Variants in SYT1 observed in about 807,000 individuals in gnomAD.
SYT1 encodes the protein synaptotagmin-1.
SYT1 carries 8 observed loss-of-function variants against 44.8 expected under a neutral mutation model. The ratio of observed to expected loss-of-function variants is 0.18; its 90% CI spans 0.10 to 0.32. SYT1 has a LOEUF of 0.32. Among genes scored for constraint, SYT1 ranks in the 10% least tolerant of loss-of-function variants. SYT1 has a pLI of 1.00. For synonymous variants in SYT1, 154 were observed against 188.8 expected, an observed-to-expected ratio of 0.82 and a Z score of 1.51; for missense variants, 286 against 509.3, an observed-to-expected ratio of 0.56 and a Z score of 4.22.
At chr12:79,187,318 G>C (rs1163352713) in intron 3 of SYT1, among the ~76,000 whole-genome samples, 1 of 152,118 alleles carries the variant, frequency 6.6e-6, no homozygotes, top group Non-Finnish European at 1.5e-5. Context: ...TTAAGCGGCA[G>C]CTGCTCAGAG....
intron 1 of SYT1, among the ~76,000 whole-genome samples, chr12:78,944,575 C>G (rs2137266263): frequency 6.6e-6 from 1 of 151,830 alleles, no homozygotes; most frequent in East Asian, 1.9e-4. Flanking sequence ...ATTCAAAAGA[C>G]AGGTTACTTT....
At chr12:78,940,859 G>A (rs1878309412) in intron 1 of SYT1, among the ~76,000 whole-genome samples, 2 of 152,070 alleles carry the variant, frequency 1.3e-5, no homozygotes, top group African/African-American at 4.8e-5. Context: ...AAGGTGTCGA[G>A]TTAGATTAGT....
chr12:79,100,438 A>T (rs1242958764), intron 3 of SYT1, among the ~76,000 whole-genome samples: 1 of 152,244 alleles, frequency 6.6e-6, no homozygotes. Flanking sequence ...TATTAGTTGA[A>T]CAAGAGGAAC....
intron 1 of SYT1, among the ~76,000 whole-genome samples, chr12:78,968,058 A>G (rs537485508): frequency 6.8e-4 from 104 of 152,290 alleles, no homozygotes; most frequent in African/African-American, 2.4e-3. Flanking sequence ...TAAAGATTAC[A>G]TATCTATATA....
intron 4 of SYT1, among the ~76,000 whole-genome samples, chr12:79,266,920 A>G (rs1878161767): frequency 6.6e-6 from 1 of 152,174 alleles, no homozygotes; most frequent in Non-Finnish European, 1.5e-5. Context: ...TTTGTATAGT[A>G]ATGAAATTAA....
chr12:79,411,560 T>A (rs1239286359), intron 9 of SYT1, among the ~76,000 whole-genome samples: 1 of 152,204 alleles, frequency 6.6e-6, no homozygotes, highest in African/African-American at 2.4e-5. Flanking sequence ...TGCATATTCA[T>A]ATTTATTTAT....
chr12:78,960,572 A>G (rs1879449733), intron 1 of SYT1: 1 of 152,178 alleles, frequency 6.6e-6, no homozygotes, highest in South Asian at 2.1e-4. Context: ...CTGCTCTGGG[A>G]CATCCCAGGC....
At chr12:79,084,179 C>T (rs1164189792) in intron 3 of SYT1, among the ~76,000 whole-genome samples, 1 of 152,110 alleles carries the variant, frequency 6.6e-6, no homozygotes, top group Non-Finnish European at 1.5e-5. Context: ...ATCTACTTCA[C>T]AGTACTGTGA....
chr12:78,989,748 G>A (rs1869893222), intron 2 of SYT1, among the ~76,000 whole-genome samples: 1 of 152,114 alleles, frequency 6.6e-6, no homozygotes, highest in South Asian at 2.1e-4. Flanking sequence ...GAGAGGACAA[G>A]TATGAGTTAT....
At chr12:78,874,049 A>G (rs142174933) in intron 1 of SYT1, among the ~76,000 whole-genome samples, 99 of 151,788 alleles carry the variant, frequency 6.5e-4, no homozygotes, top group African/African-American at 2.4e-3. Flanking sequence ...TTGAATGAAT[A>G]CAGGTATTCA....
At position 79,173,890 on chromosome 12, in the gene SYT1, G is replaced by A. The variant is rs186021403; in HGVS notation, c.-17-43613G>A. ...GTTTACAGTTAGCAAGTGCCGTAAT[G>A]TATATTTAACTTAATGTGGCATTCT... On this transcript the variant is annotated intron_variant, in intron 3 of 10. Transcript: ENST00000261205. Among the ~76,000 whole-genome samples, 393 of 152,132 alleles carry A rather than the reference G, an allele frequency of 2.6e-3. 1 individual carries two copies. Among genetic ancestry groups the A allele is most frequent in the Admixed American group, 2.9e-3 (44 of 15,246 alleles).
intron 1 of SYT1, among the ~76,000 whole-genome samples, chr12:78,934,792 A>G (rs548766749): frequency 1.3e-5 from 2 of 152,344 alleles, no homozygotes; most frequent in African/African-American, 4.8e-5. Context: ...AGAATGTGGC[A>G]TATAATTTTT....
chr12:79,180,960 C>T (rs113199433), intron 3 of SYT1, among the ~76,000 whole-genome samples: 1,658 of 152,112 alleles, frequency 0.011, 32 homozygotes, highest in African/African-American at 0.037. Flanking sequence ...TGAGTTCTCT[C>T]GAGAGCTGAT....
Position 79,064,178 on chromosome 12 carries a change from G to T in SYT1, c.-18+16816G>T, listed in dbSNP as rs1875594382. On this transcript the variant is annotated intron_variant, in intron 3 of 10. Coordinates refer to ENST00000261205, the MANE Select transcript of SYT1 (RefSeq NM_005639.3). ...AATGTTTAAAGAAATGAGGAATGAAGAAAGGGAGTGAAGAAGACAGGGAAT... is the reference window on the plus strand; with the variant it reads ...AATGTTTAAAGAAATGAGGAATGAATAAAGGGAGTGAAGAAGACAGGGAAT... Among the ~76,000 whole-genome samples, 4 of 152,128 alleles carry T rather than the reference G, an allele frequency of 2.6e-5. No homozygotes were observed. In the South Asian group the frequency reaches 8.3e-4, roughly 32 times the overall value.
chr12:79,116,766 T>G (rs1159832557), intron 3 of SYT1, among the ~76,000 whole-genome samples: 1 of 152,230 alleles, frequency 6.6e-6, no homozygotes, highest in Non-Finnish European at 1.5e-5. Context: ...TCTGTCACTT[T>G]CTGCTAAATT....
At chr12:78,934,290 C>T (rs992833492) in intron 1 of SYT1, among the ~76,000 whole-genome samples, 3 of 151,782 alleles carry the variant, frequency 2.0e-5, no homozygotes, top group Non-Finnish European at 4.4e-5. Flanking sequence ...AATTGAATCA[C>T]AGGGTGAATC....
chr12:79,006,768 G>A (rs1871118237), intron 2 of SYT1, among the ~76,000 whole-genome samples: 1 of 152,080 alleles, frequency 6.6e-6, no homozygotes, highest in Admixed American at 6.6e-5. Flanking sequence ...GGAGGATCCT[G>A]CAACACAGTT....
chr12:79,220,481 A>C (rs1875091596), intron 4 of SYT1, among the ~76,000 whole-genome samples: 1 of 151,030 alleles, frequency 6.6e-6, no homozygotes, highest in African/African-American at 2.4e-5. Context: ...TGTTTTTCTA[A>C]TTTCTTGAGG....
intron 2 of SYT1, among the ~76,000 whole-genome samples, chr12:79,019,615 T>C (rs1872050991): frequency 6.6e-6 from 1 of 151,982 alleles, no homozygotes; most frequent in South Asian, 2.1e-4. Flanking sequence ...TGGTACTATG[T>C]TGGTTACTTT....
Sources: allele counts gnomAD v4.1 joint callset (sites outside exome capture counted in the v4.1 genomes callset), GRCh38; gene constraint gnomAD v4.1.1; transcripts MANE v1.5; gene names NCBI Gene and HGNC (gene_info 2026-07-23, HGNC 2026-07-21).